The following PPP1R11 variants were observed in gnomAD, a reference collection of about 807,000 sequenced individuals.
PPP1R11 encodes the protein protein phosphatase 1 regulatory inhibitor subunit 11.
A neutral mutation model predicts 11.3 loss-of-function variants in PPP1R11; 10 were observed. That is an observed-to-expected ratio of 0.88 (90% confidence interval 0.55 to 1.50). PPP1R11 has a LOEUF of 1.50. Among genes scored for constraint, PPP1R11 ranks in the 40% most tolerant of loss-of-function variants. PPP1R11 has a pLI of 0.00. For missense variants in PPP1R11, 114 were observed against 179.1 expected, an observed-to-expected ratio of 0.64 and a Z score of 2.07; for synonymous variants, 56 against 62.3, an observed-to-expected ratio of 0.90 and a Z score of 0.48.
rs924253922 is a variant in PPP1R11, at chr6:30,067,362, G to A, written c.-49G>A. 6.4e-7 allele frequency: 1 copy of A among 1,560,266 alleles called. No individual in the cohort carries two copies. Among genetic ancestry groups the A allele is most frequent in the African/African-American group, 1.4e-5 (1 of 73,716 alleles). On this transcript the variant is annotated 5_prime_UTR_variant, in exon 1 of 3. Transcript: ENST00000376772. ...AGACCTCAGCGACAGAAAAAGGGAAGGGTGTCTCATCCCCCTTCCTCCTCT... is the reference window on the plus strand; with the variant it reads ...AGACCTCAGCGACAGAAAAAGGGAAAGGTGTCTCATCCCCCTTCCTCCTCT...
At chr6:30,062,235 CT>C, upstream of PPP1R11, 2 of 1,612,954 alleles carry the variant, frequency 1.2e-6, no homozygotes, top group African/African-American at 2.7e-5. Flanking sequence ...TTGACAGGCG[CT>C]GCCCTCGATG....
chr6:30,065,525 C>A (rs1357189122), upstream of PPP1R11, among the ~76,000 whole-genome samples: 1 of 151,854 alleles, frequency 6.6e-6, no homozygotes, highest in East Asian at 1.9e-4. The surrounding 1 kb of genome is among the most constrained non-coding windows in gnomAD (Gnocchi z 5.3). Context: ...AATACATATA[C>A]AAAATATGTG....
upstream of PPP1R11, chr6:30,062,242 C>G (rs114533592): frequency 6.2e-7 from 1 of 1,612,896 alleles, no homozygotes; most frequent in African/African-American, 1.3e-5. Flanking sequence ...GCGCTGCCCT[C>G]GATGTGGTCA....
chr6:30,069,283 C>G lies in PPP1R11; in HGVS notation c.358C>G (p.Pro120Ala), dbSNP rs751714769. The part of the protein sequence containing the change: ...PPQPPDPSQP[P>A]PGPMQH ...CCAGCCTCCTGACCCTTCCCAGCCC[C>G]CTCCAGGGCCAATGCAGCACTAAAT... Residue 120 changes from proline to alanine, a missense_variant, in exon 3 of 3, where the codon CCT (proline) becomes GCT (alanine). By Grantham distance (27) the Pro-to-Ala change is conservative. Transcript: ENST00000376772. This position sits in a 1 kb window ranked among gnomAD's most constrained non-coding sequence, Gnocchi z 6.6. The G allele has an allele frequency of 5.6e-6, 9 of 1,607,238 alleles. No individual in the cohort carries two copies. Among genetic ancestry groups the G allele is most frequent in the South Asian group, 1.1e-5 (1 of 90,784 alleles).
chr6:30,062,714 C>CTTTTTTT (rs9278555), upstream of PPP1R11, among the ~76,000 whole-genome samples: 18 of 42,390 alleles, frequency 4.2e-4, no homozygotes, highest in African/African-American at 7.1e-4. Flanking sequence ...CCACGCCTGG[C>CTTTTTTT]TTTTTTTTTT....
chr6:30,066,616 CTG>C (rs1765553471), upstream of PPP1R11: 1 of 152,228 alleles, frequency 6.6e-6, no homozygotes, highest in Non-Finnish European at 1.5e-5. Flanking sequence ...AAGGCAGGGT[CTG>C]AGCGTCTTAC....
At position 30,069,439 on chromosome 6, in the gene PPP1R11, G is replaced by A; in HGVS notation, c.*133G>A. On this transcript the variant is annotated 3_prime_UTR_variant, in exon 3 of 3. Coordinates refer to ENST00000376772, the MANE Select transcript of PPP1R11 (RefSeq NM_021959.3). The surrounding 1 kb of genome is among the most constrained non-coding windows in gnomAD (Gnocchi z 6.6). ...GAAGAGGAGGACGAACAGAGATCCT[G>A]AAATTCTGACTTGCTGCTATTCCAG... 1.3e-6 allele frequency: 1 copy of A among 764,654 alleles called. No homozygotes were observed. The highest frequency in any genetic ancestry group is 2.0e-6 in the Non-Finnish European group (1 of 504,018). 47.4% of individuals were successfully genotyped at this position (764,654 alleles called of 1,614,324 possible).
rs1426937547 is a variant in PPP1R11, at chr6:30,067,480, G to T, written c.69+1G>T. On this transcript the variant is annotated splice_donor_variant, in intron 1 of 2. Coordinates refer to ENST00000376772, the MANE Select transcript of PPP1R11 (RefSeq NM_021959.3). LOFTEE classifies it high-confidence loss of function. Reference sequence around the variant, plus strand: ...AACGGTTACCGTGACAACCGAGCCCGTGAGAAAGGCGGGGGGGCGGTGCTG... The same window carrying T: ...AACGGTTACCGTGACAACCGAGCCCTTGAGAAAGGCGGGGGGGCGGTGCTG... 2 of 1,613,750 alleles carry T rather than the reference G, an allele frequency of 1.2e-6. No individual in the cohort carries two copies. The highest frequency in any genetic ancestry group is 1.3e-5 in the African/African-American group (1 of 74,928).
At chr6:30,061,662 C>T in the PPP1R11 span, 3 of 1,613,010 alleles carry the variant, frequency 1.9e-6, no homozygotes, top group African/African-American at 1.3e-5. This position sits in a 1 kb window ranked among gnomAD's most constrained non-coding sequence, Gnocchi z 5.0. Context: ...TCAACATCAA[C>T]GTTCGGGGTG....
In PPP1R11 at chr6:30,069,039, G is replaced by A; in HGVS notation, c.179-65G>A. ...AGGAATTTTCACTGAGTTTGAGTGGGAATGGAACTGACTATATATCTTACC... is the reference window on the plus strand; with the variant it reads ...AGGAATTTTCACTGAGTTTGAGTGGAAATGGAACTGACTATATATCTTACC... On this transcript the variant is annotated intron_variant, in intron 2 of 2. Transcript: ENST00000376772. This position sits in a 1 kb window ranked among gnomAD's most constrained non-coding sequence, Gnocchi z 6.6. The A allele has an allele frequency of 1.4e-6, 2 of 1,454,970 alleles. No individual in the cohort carries two copies. Among genetic ancestry groups the A allele is most frequent in the African/African-American group, 1.4e-5 (1 of 71,224 alleles). The allele number at this position is 1,454,970 out of a possible 1,614,324, so 90.1% of individuals were successfully genotyped here.
chr6:30,067,352 A>G lies in PPP1R11; in HGVS notation c.-59A>G, dbSNP rs560930971. 6.5e-7 allele frequency: 1 copy of G among 1,537,634 alleles called. No homozygotes were observed. Among genetic ancestry groups the G allele is most frequent in the Non-Finnish European group, 9.0e-7 (1 of 1,112,986 alleles). On this transcript the variant is annotated 5_prime_UTR_variant, in exon 1 of 3. Transcript: ENST00000376772. ...CGCTTCTCTTAGACCTCAGCGACAG[A>G]AAAAGGGAAGGGTGTCTCATCCCCC...
At position 30,067,268 on chromosome 6, in the gene PPP1R11, C is replaced by G; in HGVS notation, c.-143C>G. 1 of 839,664 alleles carries G rather than the reference C, an allele frequency of 1.2e-6. No homozygotes were observed. Among genetic ancestry groups the G allele is most frequent in the Non-Finnish European group, 1.9e-6 (1 of 538,022 alleles). The allele number at this position is 839,664 out of a possible 1,614,324, so 52.0% of individuals were successfully genotyped here. On this transcript the variant is annotated 5_prime_UTR_variant, in exon 1 of 3. Transcript: ENST00000376772. ...TCCCCAGGGGTGGAGAAGCGGAGGC[C>G]CAGGAGGAGGGGGAATAAAGAAGGT...
upstream of PPP1R11, among the ~76,000 whole-genome samples, chr6:30,063,116 T>C (rs1765247283): frequency 1.3e-5 from 2 of 152,094 alleles, no homozygotes; most frequent in Admixed American, 1.3e-4. The surrounding 1 kb of genome is among the most constrained non-coding windows in gnomAD (Gnocchi z 4.1). Context: ...TTATTCTGTT[T>C]GGGATTTGTT....
At chr6:30,067,735 T>C (rs989708856) in intron 1 of PPP1R11, 1 of 436,636 alleles carries the variant, frequency 2.3e-6, no homozygotes, top group Non-Finnish European at 4.1e-6. Context: ...TGGTTATGTG[T>C]GTAAGTAATA....
chr6:30,068,751 A>G (rs17187707), intron 2 of PPP1R11, 53 bp downstream of exon 2: 49,656 of 1,471,542 alleles, frequency 0.034, 1,070 homozygotes, highest in Middle Eastern at 0.057. Context: ...CCTTCAGCAT[A>G]TCTTGTATCT....
At chr6:30,061,455 C>A in the PPP1R11 span, 9 of 1,562,230 alleles carry the variant, frequency 5.8e-6, no homozygotes, top group African/African-American at 1.2e-4. This position sits in a 1 kb window ranked among gnomAD's most constrained non-coding sequence, Gnocchi z 5.0. Context: ...AGAATAGTTA[C>A]GACCTCTGGG....
upstream of PPP1R11, among the ~76,000 whole-genome samples, chr6:30,064,342 G>A (rs181298989): frequency 1.5e-3 from 218 of 149,592 alleles, no homozygotes; most frequent in African/African-American, 4.9e-3. Flanking sequence ...TTTTCCCAGC[G>A]TGTGGCTTGC....
intron 1 of PPP1R11, 55 bp downstream of exon 1, chr6:30,067,534 A>G (rs1765630091): frequency 6.4e-7 from 1 of 1,564,390 alleles, no homozygotes; most frequent in Admixed American, 1.7e-5. Flanking sequence ...ACTGGGAGGG[A>G]GGGGACAGGG....
Position 30,067,306 on chromosome 6 carries a change from C to A in PPP1R11, c.-105C>A. ...GAATAAAGAAGGTGGAGGATCCTGG[C>A]TACCACTCTGAATCCGATACCGCTT... On this transcript the variant is annotated 5_prime_UTR_variant, in exon 1 of 3. Coordinates refer to ENST00000376772, the MANE Select transcript of PPP1R11 (RefSeq NM_021959.3). 8.3e-7 allele frequency: 1 copy of A among 1,204,374 alleles called. No homozygotes were observed. The highest frequency in any genetic ancestry group is 1.2e-6 in the Non-Finnish European group (1 of 830,146). The allele number at this position is 1,204,374 out of a possible 1,614,324, so 74.6% of individuals were successfully genotyped here. A position where few individuals can be genotyped will look rare whatever the true frequency, so the allele number is the denominator to read the frequency against.
Sources: allele counts gnomAD v4.1 joint callset (sites outside exome capture counted in the v4.1 genomes callset), GRCh38; gene constraint gnomAD v4.1.1; non-coding constraint Gnocchi (gnomAD v3.1); transcripts MANE v1.5; gene names NCBI Gene and HGNC (gene_info 2026-07-23, HGNC 2026-07-21).